The following CROCC variants were observed in gnomAD, a reference collection of about 807,000 sequenced individuals.
CROCC encodes ciliary rootlet coiled-coil, rootletin.
Under a neutral mutation model 245.2 loss-of-function variants are expected in CROCC, and 180 were observed. The ratio of observed to expected loss-of-function variants is 0.73; its 90% CI spans 0.65 to 0.83. CROCC has a LOEUF of 0.83. Ranked by LOEUF, CROCC falls within the 40% of genes least tolerant of loss-of-function variation. The pLI, the probability that CROCC is intolerant of heterozygous loss-of-function variation, is 0.00. For missense variants in CROCC, 2,688 were observed against 2,779.4 expected (o/e 0.97, Z 0.74); for synonymous variants, 1,205 against 1,241.6 (o/e 0.97, Z 0.62).
At position 16,958,708 on chromosome 1, in the gene CROCC, G is replaced by T; in HGVS notation, c.3990G>T (p.Arg1330Ser). 6.4e-7 allele frequency: 1 copy of T among 1,561,830 alleles called. No individual in the cohort carries two copies. Among genetic ancestry groups the T allele is most frequent in the Non-Finnish European group, 8.7e-7 (1 of 1,153,908 alleles). Residue 1330 changes from arginine (R) to serine (S), a missense_variant, in exon 26 of 37, where the codon AGG (arginine) becomes AGT (serine). Coordinates refer to ENST00000375541, the MANE Select transcript of CROCC (RefSeq NM_014675.5). ...GGGAGACCCTGGGCCTCCGGCAGAG[G>T]CTGCTGAAGGGCGAGGCCAGCCTGG... ...SRRETLGLRQRLLKGEASLEV... is the reference protein window; with the variant it reads ...SRRETLGLRQSLLKGEASLEV...
Position 16,966,802 on chromosome 1 carries a change from G to A in CROCC, c.4860+231G>A, listed in dbSNP as rs1442069120. On this transcript the variant is annotated intron_variant, in intron 30 of 36. Coordinates refer to ENST00000375541, the MANE Select transcript of CROCC (RefSeq NM_014675.5). This position sits in a 1 kb window ranked among gnomAD's most constrained non-coding sequence, Gnocchi z 4.8. ...GGTCAAGGTGCAGTAGCTCATGCCT[G>A]TAATCCTAGCACTTTGGGAGGTCGA... Among the ~76,000 whole-genome samples the A allele has an allele frequency of 2.0e-5, 3 of 152,204 alleles. No homozygotes were observed. The highest frequency in any genetic ancestry group is 4.8e-5 in the African/African-American group (2 of 41,450).
At chr1:16,929,226 T>C (rs116598650) in intron 3 of CROCC, among the ~76,000 whole-genome samples, 2 of 152,392 alleles carry the variant, frequency 1.3e-5, no homozygotes, top group Admixed American at 6.5e-5. Context: ...CTTCGTGTCC[T>C]CCGGGAATGT....
chr1:16,971,658 C>A lies in CROCC; in HGVS notation c.5967+11C>A. Reference sequence around the variant, plus strand: ...GGGCTGGAGGAGCAGGTGTGCAGGCCCCCTTAGAAGGCTGGGCCAGGATGG... The same window carrying A: ...GGGCTGGAGGAGCAGGTGTGCAGGCACCCTTAGAAGGCTGGGCCAGGATGG... On this transcript the variant is annotated intron_variant, in intron 36 of 36. Transcript: ENST00000375541. 6.8e-7 allele frequency: 1 copy of A among 1,473,818 alleles called. No homozygotes were observed. The highest frequency in any genetic ancestry group is 9.0e-7 in the Non-Finnish European group (1 of 1,111,662). The allele number at this position is 1,473,818 out of a possible 1,614,324, so 91.3% of individuals were successfully genotyped here.
At chr1:16,957,765 A>T (rs2076270425) in intron 25 of CROCC, among the ~76,000 whole-genome samples, 1 of 152,122 alleles carries the variant, frequency 6.6e-6, no homozygotes, top group South Asian at 2.1e-4. Context: ...TTTTTAATTA[A>T]AAAAATTGTT....
chr1:16,945,441 C>A lies in CROCC; in HGVS notation c.1992-21C>A, dbSNP rs199770847. 3.7e-6 allele frequency: 6 copies of A among 1,608,824 alleles called. No homozygotes were observed. The Admixed American group carries it at 1.0e-4, about 27-fold the overall frequency. On this transcript the variant is annotated intron_variant, in intron 14 of 36. Transcript: ENST00000375541. The stretch of plus-strand genomic sequence containing the variant: ...GGGCAGGAAAGTGACATGGGCCACC[C>A]ACCCACCCTTTGTCCCACAGCCATA...
chr1:16,941,993 T>C (rs1421618491), intron 13 of CROCC, among the ~76,000 whole-genome samples: 1 of 152,242 alleles, frequency 6.6e-6, no homozygotes, highest in Non-Finnish European at 1.5e-5. Flanking sequence ...TAAGCCACCA[T>C]GCCTAGCCTT....
At position 16,954,425 on chromosome 1, in the gene CROCC, C is replaced by T. The variant is rs964711947; in HGVS notation, c.3321+68C>T. Reference sequence around the variant, plus strand: ...CACATCCCTGGCTGAGGAGCCCCCACCACGGGGCGGCATGGCCCTGTCCTG... The same window carrying T: ...CACATCCCTGGCTGAGGAGCCCCCATCACGGGGCGGCATGGCCCTGTCCTG... On this transcript the variant is annotated intron_variant, in intron 22 of 36. Coordinates refer to ENST00000375541, the MANE Select transcript of CROCC (RefSeq NM_014675.5). The surrounding 1 kb of genome is among the most constrained non-coding windows in gnomAD (Gnocchi z 4.4). 1.3e-5 allele frequency: 20 copies of T among 1,550,498 alleles called. No homozygotes were observed. The African/African-American group carries it at 1.6e-4, about 13-fold the overall frequency.
At position 16,930,317 on chromosome 1, in the gene CROCC, C is replaced by T; in HGVS notation, c.653C>T (p.Ala218Val). The stretch of plus-strand genomic sequence containing the variant: ...GAGCACAGCCAAGACCTGGAAAGCG[C>T]CCTCATCCGGCTGGAGGAGGAGCAG... ...DTEHSQDLESALIRLEEEQQR... is the reference protein window; with the variant it reads ...DTEHSQDLESVLIRLEEEQQR... Residue 218 changes from alanine (A) to valine (V), a missense_variant, in exon 6 of 37, where the codon GCC becomes GTC. By Grantham distance (64) the Ala-to-Val change is moderately conservative (BLOSUM62 0). Transcript: ENST00000375541. 1 of 1,608,744 alleles carries T rather than the reference C, an allele frequency of 6.2e-7. No individual in the cohort carries two copies. The highest frequency in any genetic ancestry group is 1.1e-5 in the South Asian group (1 of 90,410).
chr1:16,942,131 C>T (rs2075947339), intron 13 of CROCC, among the ~76,000 whole-genome samples: 1 of 152,268 alleles, frequency 6.6e-6, no homozygotes, highest in Non-Finnish European at 1.5e-5. Context: ...CCATCTCAGC[C>T]TCCTGAGTAG....
At position 16,969,810 on chromosome 1, in the gene CROCC, C is replaced by T; in HGVS notation, c.5327C>T (p.Ala1776Val). The change falls in exon 33 of 37, where the codon GCA becomes GTA. Residue 1776 changes from alanine (A) to valine (V), a missense_variant. Physicochemically the swap from Ala to Val is moderately conservative, Grantham distance 64. Transcript: ENST00000375541. ...GAACGGCTGGATGCCGCCCGGCAGG[C>T]ATTATCTGAGGCACGGAAGCAGAGC... Reference protein sequence around the residue: ...LQERLDAARQALSEARKQSSS... With the variant: ...LQERLDAARQVLSEARKQSSS... The T allele has an allele frequency of 6.2e-7, 1 of 1,613,172 alleles. No individual in the cohort carries two copies. Among genetic ancestry groups the T allele is most frequent in the Non-Finnish European group, 8.5e-7 (1 of 1,179,688 alleles).
rs764904297 is a variant in CROCC at position 16,936,740 on chromosome 1, G to C, written c.1060G>C (p.Glu354Gln). Reference sequence around the variant, plus strand: ...CCTACGGCTGGCAGAGAGCCGGGCCGAGGCAGCCCTGGAGAAACAGGCCCT... The same window carrying C: ...CCTACGGCTGGCAGAGAGCCGGGCCCAGGCAGCCCTGGAGAAACAGGCCCT... ...TGLRLAESRA[E>Q]AALEKQALLQ... Residue 354 changes from glutamate (E) to glutamine (Q), a missense_variant, in exon 9 of 37, where the codon GAG becomes CAG. Coordinates refer to ENST00000375541, the MANE Select transcript of CROCC (RefSeq NM_014675.5). The C allele has an allele frequency of 5.0e-6, 8 of 1,609,816 alleles. No homozygotes were observed. The East Asian group carries it at 1.8e-4, about 36-fold the overall frequency.
upstream of CROCC, chr1:16,921,854 C>T (rs1465596016): frequency 2.9e-6 from 2 of 692,648 alleles, no homozygotes; most frequent in African/African-American, 1.8e-5. Context: ...CCTCCTCAGC[C>T]CACATCCTGC....
Position 16,931,450 on chromosome 1 carries a change from T to C in CROCC, c.956+53T>C, listed in dbSNP as rs1282147615. On this transcript the variant is annotated intron_variant, in intron 8 of 36. Transcript: ENST00000375541. ...AGCTGAGAGCCAGCCCTGCTCTTTA[T>C]GTCCAACTGAACTCAGTTGAATTTC... is the stretch of plus-strand genomic sequence containing the variant. 10 of 1,484,946 alleles carry C rather than the reference T, an allele frequency of 6.7e-6. No homozygotes were observed. The African/African-American group carries it at 6.8e-5, about 10-fold the overall frequency. 92.0% of individuals were successfully genotyped at this position (1,484,946 alleles called of 1,614,324 possible). A position where few individuals can be genotyped will look rare whatever the true frequency, so the allele number is the denominator to read the frequency against.
chr1:16,938,460 C>A lies in CROCC; in HGVS notation c.1351C>A (p.Gln451Lys). Residue 451 changes from glutamine to lysine, a missense_variant, in exon 11 of 37, where the codon CAG becomes AAG. Gln to Lys is a moderately conservative substitution (Grantham distance 53). Transcript: ENST00000375541. ...LETEDGEGLQ[Q>K]TLRDLAQAVL... ...GACAGAGGATGGAGAGGGGCTACAGCAGACCCTAAGGGACCTGGCACAGGT... is the reference window on the plus strand; with the variant it reads ...GACAGAGGATGGAGAGGGGCTACAGAAGACCCTAAGGGACCTGGCACAGGT... 2 of 1,579,612 alleles carry A rather than the reference C, an allele frequency of 1.3e-6. No individual in the cohort carries two copies. The highest frequency in any genetic ancestry group is 1.7e-6 in the Non-Finnish European group (2 of 1,163,492).
At position 16,954,768 on chromosome 1, in the gene CROCC, A is replaced by T. The variant is rs1557626793; in HGVS notation, c.3356A>T (p.Asp1119Val). 1 of 1,555,238 alleles carries T rather than the reference A, an allele frequency of 6.4e-7. No homozygotes were observed. The highest frequency in any genetic ancestry group is 8.7e-7 in the Non-Finnish European group (1 of 1,150,152). The change falls in exon 23 of 37, where the codon GAC (aspartate) becomes GTC (valine). Residue 1119 changes from aspartate to valine, a missense_variant. Asp to Val is a radical substitution (Grantham distance 152). This residue lies in a region of CROCC where 1,218 missense variants were observed against 1,286.3 expected (regional missense o/e 0.95). Coordinates refer to ENST00000375541, the MANE Select transcript of CROCC (RefSeq NM_014675.5). This position sits in a 1 kb window ranked among gnomAD's most constrained non-coding sequence, Gnocchi z 4.4. ...AACGCTCTGACGTCTGAGCTGCGGG[A>T]CCTACGGGCCCAGCGGGAGGAGGCT... ...TVNALTSELRDLRAQREEAAA... is the reference protein window; with the variant it reads ...TVNALTSELRVLRAQREEAAA...
rs2076498105 is a variant in CROCC at position 16,970,465 on chromosome 1, C to G, written c.5652+12C>G. ...GGACGCTGGACAAGGTAGGCTGCTC[C>G]CCAGGCTCTCCCCTCACTTCCTCTG... On this transcript the variant is annotated intron_variant, in intron 34 of 36. Coordinates refer to ENST00000375541, the MANE Select transcript of CROCC (RefSeq NM_014675.5). 2 of 1,556,024 alleles carry G rather than the reference C, an allele frequency of 1.3e-6. No homozygotes were observed. The highest frequency in any genetic ancestry group is 8.7e-7 in the Non-Finnish European group (1 of 1,147,028).
chr1:16,961,250 C>T (rs1021393226), intron 27 of CROCC, 120 bp downstream of exon 27: 4 of 1,020,040 alleles, frequency 3.9e-6, no homozygotes, highest in East Asian at 3.7e-5. Flanking sequence ...GCCCACCACA[C>T]CTCTCCACTG....
rs1456059245 is a variant in CROCC at position 16,938,969 on chromosome 1, G to A, written c.1435G>A (p.Ala479Thr). 6.2e-7 allele frequency: 1 copy of A among 1,604,962 alleles called. No individual in the cohort carries two copies. Among genetic ancestry groups the A allele is most frequent in the Admixed American group, 1.7e-5 (1 of 57,518 alleles). Residue 479 changes from alanine (A) to threonine (T), a missense_variant, in exon 12 of 37, where the codon GCT becomes ACT. By Grantham distance (58) the Ala-to-Thr change is moderately conservative. Coordinates refer to ENST00000375541, the MANE Select transcript of CROCC (RefSeq NM_014675.5). ...GAGCGGCTCTGAGCGCACCGCGGAT[G>A]CTTCCAACGGCAGCCTGCGGGGGCT... is the stretch of plus-strand genomic sequence containing the variant. ...QLSGSERTADASNGSLRGLSG... is the reference protein window; with the variant it reads ...QLSGSERTADTSNGSLRGLSG...
intron 8 of CROCC, among the ~76,000 whole-genome samples, chr1:16,934,593 A>C (rs1285211129): frequency 6.6e-6 from 1 of 152,268 alleles, no homozygotes; most frequent in African/African-American, 2.4e-5. Flanking sequence ...ATGGCCCACC[A>C]TGCCTGGCCT....
Sources: gnomAD v4.1 joint callset for allele counts (sites outside exome capture counted in the v4.1 genomes callset) on GRCh38, gnomAD v4.1.1 for gene constraint, gnomAD v4.1.1 regional missense constraint, Gnocchi (gnomAD v3.1) non-coding constraint, MANE v1.5 for transcripts, NCBI Gene and HGNC (gene_info 2026-07-23, HGNC 2026-07-21) for gene names.